Variants in CHD6 observed in about 807,000 individuals in gnomAD.
CHD6 encodes the protein chromodomain helicase DNA binding protein 6.
CHD6 carries 50 observed loss-of-function variants against 276.9 expected under a neutral mutation model. The observed-to-expected ratio is 0.18, with a 90% confidence interval of 0.14 to 0.23. The LOEUF (loss-of-function observed/expected upper bound fraction) is 0.23, where lower values mean the gene tolerates loss of function less well. Among genes scored for constraint, CHD6 ranks in the 10% least tolerant of loss-of-function variants. CHD6 has a pLI of 1.00. For synonymous variants in CHD6, 1,173 were observed against 1,229.3 expected (o/e 0.95, Z 0.96); for missense variants, 2,564 against 3,365.8 (o/e 0.76, Z 5.89).
rs925973218 is a variant in CHD6 at position 41,487,920 on chromosome 20, C to G, written c.1858-112G>C. The G allele has an allele frequency of 3.3e-5, 35 of 1,072,338 alleles. No homozygotes were observed. The East Asian group carries it at 8.7e-4, about 27-fold the overall frequency. 66.4% of individuals were successfully genotyped at this position (1,072,338 alleles called of 1,614,324 possible). On this transcript the variant is annotated intron_variant, in intron 13 of 36. Coordinates refer to ENST00000373233, the MANE Select transcript of CHD6 (RefSeq NM_032221.5). ...GTGCTCAATTTGGGGCAATTCTGAT[C>G]TGCTTTAATGAAAAGATAATATGCC...
intron 1 of CHD6, among the ~76,000 whole-genome samples, chr20:41,583,653 C>T (rs976188852): frequency 1.3e-5 from 2 of 151,970 alleles, no homozygotes; most frequent in African/African-American, 4.8e-5. Flanking sequence ...TTTAATCATT[C>T]TGAAAGATAA....
At chr20:41,603,603 C>T (rs563173101) in intron 1 of CHD6, among the ~76,000 whole-genome samples, 12 of 151,612 alleles carry the variant, frequency 7.9e-5, no homozygotes, top group South Asian at 2.1e-4. Context: ...CGGTGGCTCA[C>T]GCCTGTAATC....
chr20:41,557,831 C>A (rs1212282024), intron 1 of CHD6, among the ~76,000 whole-genome samples: 1 of 152,124 alleles, frequency 6.6e-6, no homozygotes, highest in Admixed American at 6.5e-5. Flanking sequence ...GGAAGCAACT[C>A]TAAAAATGAG....
intron 1 of CHD6, among the ~76,000 whole-genome samples, chr20:41,561,100 A>C (rs1331497656): frequency 6.6e-6 from 1 of 152,240 alleles, no homozygotes; most frequent in Non-Finnish European, 1.5e-5. Context: ...CTCAGTTGCA[A>C]CTACTCAATT....
chr20:41,454,573 T>C, intron 20 of CHD6, 53 bp downstream of exon 20: 1 of 1,360,736 alleles, frequency 7.3e-7, no homozygotes, highest in Non-Finnish European at 1.0e-6. Context: ...GAATTTATTG[T>C]CATGTATGAC....
At chr20:41,558,428 C>T (rs2045263708) in intron 1 of CHD6, among the ~76,000 whole-genome samples, 1 of 152,214 alleles carries the variant, frequency 6.6e-6, no homozygotes, top group African/African-American at 2.4e-5. Context: ...TTTGTGCTAC[C>T]TGTCCTTATG....
intron 1 of CHD6, among the ~76,000 whole-genome samples, chr20:41,555,420 A>C (rs1413451008): frequency 7.3e-6 from 1 of 136,398 alleles, no homozygotes; most frequent in African/African-American, 2.8e-5. Flanking sequence ...GCTGACCCCC[A>C]CCTCCCTCCC....
intron 2 of CHD6, among the ~76,000 whole-genome samples, chr20:41,543,613 A>G (rs1386369923): frequency 6.6e-6 from 1 of 152,232 alleles, no homozygotes; most frequent in Non-Finnish European, 1.5e-5. Flanking sequence ...TAAATGTAGT[A>G]GGACATATAT....
intron 1 of CHD6, among the ~76,000 whole-genome samples, chr20:41,606,554 A>C (rs1470482364): frequency 2.6e-5 from 4 of 152,050 alleles, no homozygotes; most frequent in Non-Finnish European, 2.9e-5. Flanking sequence ...AGGCGCCTGT[A>C]ATCTCAGCTA....
At chr20:41,502,418 C>T (rs1405911974) in intron 5 of CHD6, among the ~76,000 whole-genome samples, 1 of 152,216 alleles carries the variant, frequency 6.6e-6, no homozygotes, top group Non-Finnish European at 1.5e-5. Flanking sequence ...AAACTAGCTA[C>T]ATTTCAAGTG....
At position 41,420,820 on chromosome 20, in the gene CHD6, G is replaced by A. The variant is rs1231784063; in HGVS notation, c.5815C>T (p.His1939Tyr). ...ATCCACCTCTCCATGTGTTTGCAGTGGCACTGACAGGCTGCTGGAGCGGGG... is the reference window on the plus strand; with the variant it reads ...ATCCACCTCTCCATGTGTTTGCAGTAGCACTGACAGGCTGCTGGAGCGGGG... ...AFPAPAACQC[H>Y]CKHMERWMHG... The change falls in exon 31 of 37, where the codon CAC becomes TAC. Residue 1939 changes from histidine (H) to tyrosine (Y), a missense_variant. His to Tyr is a moderately conservative substitution (Grantham distance 83). Around this residue, in one of 7 missense-constraint regions of CHD6, gnomAD observed 1,024 missense variants for 1,047.9 expected, o/e 0.98. Transcript: ENST00000373233. 2 of 1,614,208 alleles carry A rather than the reference G, an allele frequency of 1.2e-6. No homozygotes were observed. The highest frequency in any genetic ancestry group is 2.2e-5 in the East Asian group (1 of 44,882).
intron 1 of CHD6, among the ~76,000 whole-genome samples, chr20:41,555,146 C>T (rs1303299482): frequency 5.9e-4 from 81 of 137,104 alleles, no homozygotes; most frequent in African/African-American, 2.3e-3. Context: ...GGCGGCTGGC[C>T]GGGCAGAGGG....
At chr20:41,611,724 G>T (rs190688107) in intron 1 of CHD6, among the ~76,000 whole-genome samples, 2 of 151,858 alleles carry the variant, frequency 1.3e-5, no homozygotes, top group African/African-American at 4.8e-5. Context: ...TGCAACCTCC[G>T]CCTCCCCGGT....
chr20:41,451,041 T>C lies in CHD6; in HGVS notation c.3588A>G (p.Pro1196=), dbSNP rs759291922. 3 of 1,613,986 alleles carry C rather than the reference T, an allele frequency of 1.9e-6. No homozygotes were observed. Among genetic ancestry groups the C allele is most frequent in the Admixed American group, 1.7e-5 (1 of 60,018 alleles). The change falls in exon 23 of 37, where the codon CCA becomes CCG. Residue 1196 remains proline (P), a synonymous_variant. Coordinates refer to ENST00000373233, the MANE Select transcript of CHD6 (RefSeq NM_032221.5). ...GKKTKNQLLI[P]ELKDADWLAT... ...CTAGCCAATCTGCATCCTTTAGCTC[T>C]GGGATTAGCAACTGGTTCTTCGTCT...
At chr20:41,426,244 G>C in intron 27 of CHD6, 91 bp from the exon 28 acceptor site, 1 of 888,542 alleles carries the variant, frequency 1.1e-6, no homozygotes. Context: ...TAAGCATCAC[G>C]CATAAGAGCT....
intron 1 of CHD6, among the ~76,000 whole-genome samples, chr20:41,614,131 A>G (rs1214369773): frequency 6.6e-6 from 1 of 152,236 alleles, no homozygotes; most frequent in Non-Finnish European, 1.5e-5. Context: ...AAATGCGATC[A>G]GCGACTATCC....
chr20:41,440,747 C>T (rs990990168), intron 25 of CHD6, among the ~76,000 whole-genome samples: 1 of 152,138 alleles, frequency 6.6e-6, no homozygotes, highest in Non-Finnish European at 1.5e-5. Flanking sequence ...ATTTTAAAAA[C>T]CCTGATTTTG....
chr20:41,588,259 T>C (rs887878859), intron 1 of CHD6, among the ~76,000 whole-genome samples: 3 of 152,182 alleles, frequency 2.0e-5, no homozygotes, highest in African/African-American at 7.2e-5. Context: ...AAAATCTCAG[T>C]GTCATACAAC....
At chr20:41,547,893 A>G in intron 2 of CHD6, 1 of 336,130 alleles carries the variant, frequency 3.0e-6, no homozygotes, top group Non-Finnish European at 5.8e-6. Context: ...GGATGGCATC[A>G]ACAGTGTTGT....
Sources: allele counts gnomAD v4.1 joint callset (sites outside exome capture counted in the v4.1 genomes callset), GRCh38; gene constraint gnomAD v4.1.1; regional missense constraint gnomAD v4.1.1; transcripts MANE v1.5; gene names NCBI Gene and HGNC (gene_info 2026-07-23, HGNC 2026-07-21).